The following CREB1 variants were observed in gnomAD, a reference collection of about 807,000 sequenced individuals.
The protein encoded by CREB1 is cyclic AMP-responsive element-binding protein 1.
CREB1 carries 2 observed loss-of-function variants against 42.0 expected under a neutral mutation model. That is an observed-to-expected ratio of 0.05 (90% CI 0.02 to 0.15). The LOEUF (loss-of-function observed/expected upper bound fraction) is 0.15. CREB1 is among the 10% of genes least tolerant of loss of function. The probability of loss-of-function intolerance (pLI) is 1.00; values close to 1 mark genes in which losing one functional copy is unlikely to be tolerated. For synonymous variants in CREB1, 123 were observed against 139.9 expected (o/e 0.88, Z 0.85); for missense variants, 199 against 388.9 (o/e 0.51, Z 4.11).
intron 3 of CREB1, chr2:207,561,230 C>A: frequency 7.5e-7 from 1 of 1,329,612 alleles, no homozygotes; most frequent in South Asian, 1.2e-5. Flanking sequence ...TTCTTTATGT[C>A]TTTGTCCTTT....
chr2:207,569,959 T>A (rs1283019202), intron 4 of CREB1, among the ~76,000 whole-genome samples: 1 of 150,904 alleles, frequency 6.6e-6, no homozygotes, highest in African/African-American at 2.4e-5. Context: ...GCAGAATTGC[T>A]TGAACCCGGG....
At chr2:207,538,750 T>C (rs2080976311) in intron 1 of CREB1, among the ~76,000 whole-genome samples, 1 of 152,226 alleles carries the variant, frequency 6.6e-6, no homozygotes, top group African/African-American at 2.4e-5. Flanking sequence ...GATGATAGAA[T>C]GTGTCTTTTC....
intron 7 of CREB1, among the ~76,000 whole-genome samples, chr2:207,583,205 G>T (rs1210230529): frequency 6.6e-6 from 1 of 152,012 alleles, no homozygotes; most frequent in Non-Finnish European, 1.5e-5. Context: ...TTATATAAGG[G>T]ACTTGAGCAT....
intron 7 of CREB1, among the ~76,000 whole-genome samples, 160 bp from the exon 8 acceptor site, chr2:207,596,754 G>A (rs895728272): frequency 6.6e-6 from 1 of 151,974 alleles, no homozygotes; most frequent in African/African-American, 2.4e-5. Flanking sequence ...TTAATATAAG[G>A]TAATTTCCAA....
chr2:207,593,623 G>A (rs2085506606), intron 7 of CREB1, among the ~76,000 whole-genome samples: 1 of 151,992 alleles, frequency 6.6e-6, no homozygotes, highest in Non-Finnish European at 1.5e-5. Flanking sequence ...ACTGCCATTT[G>A]GAGTTACCTA....
intron 3 of CREB1, among the ~76,000 whole-genome samples, chr2:207,565,224 C>T (rs2082097942): frequency 6.6e-6 from 1 of 152,008 alleles, no homozygotes; most frequent in Non-Finnish European, 1.5e-5. Flanking sequence ...TACCCAGAGT[C>T]CATAGTTTAC....
chr2:207,598,069 A>ATAT lies in CREB1; in HGVS notation c.*1012_*1014dup. On this transcript the variant is annotated 3_prime_UTR_variant, in exon 8 of 8. Coordinates refer to ENST00000353267, the MANE Select transcript of CREB1 (RefSeq NM_004379.5). ...TCAAGATGTCAAATAAAGCAAAGTGATATATATTTGTTTATGAAATGTTAC... is the reference window on the plus strand; with the variant it reads ...TCAAGATGTCAAATAAAGCAAAGTGATATTATATATTTGTTTATGAAATGTTAC... 1 of 181,136 alleles carries ATAT rather than the reference A, an allele frequency of 5.5e-6. No individual in the cohort carries two copies. The highest frequency in any genetic ancestry group is 1.2e-5 in the Non-Finnish European group (1 of 84,746). 11.2% of individuals were successfully genotyped at this position (181,136 alleles called of 1,614,324 possible).
At chr2:207,563,305 G>A (rs182070064) in intron 3 of CREB1, among the ~76,000 whole-genome samples, 66 of 152,264 alleles carry the variant, frequency 4.3e-4, no homozygotes, top group Non-Finnish European at 7.8e-4. Flanking sequence ...TCAAATCTAC[G>A]TATTTTAAAA....
chr2:207,532,611 T>C (rs1394243140), intron 1 of CREB1, among the ~76,000 whole-genome samples: 1 of 151,524 alleles, frequency 6.6e-6, no homozygotes, highest in African/African-American at 2.4e-5. Flanking sequence ...AGGTGGAGAT[T>C]GCAGTGAGCC....
intron 2 of CREB1, among the ~76,000 whole-genome samples, chr2:207,559,997 A>AT (rs2081891481): frequency 6.6e-6 from 1 of 152,158 alleles, no homozygotes; most frequent in Non-Finnish European, 1.5e-5. Context: ...ATAGTTTTTA[A>AT]TTTTTTGTCA....
In CREB1 at chr2:207,599,039, G is replaced by C. The variant is rs1010277209; in HGVS notation, c.*1981G>C. On this transcript the variant is annotated 3_prime_UTR_variant, in exon 8 of 8. Transcript: ENST00000353267. ...AAGATTTTAATTAACATTTGTAAAT[G>C]GTATATTTTCGTTTGTAACAAACCA... is the stretch of plus-strand genomic sequence containing the variant. 3 of 185,124 alleles carry C rather than the reference G, an allele frequency of 1.6e-5. No individual in the cohort carries two copies. The East Asian group carries it at 2.7e-4, about 17-fold the overall frequency. The allele number at this position is 185,124 out of a possible 1,614,324, so 11.5% of individuals were successfully genotyped here.
intron 7 of CREB1, among the ~76,000 whole-genome samples, chr2:207,591,332 TTTA>T (rs2084984456): frequency 6.6e-6 from 1 of 152,242 alleles, no homozygotes; most frequent in South Asian, 2.1e-4. Context: ...GATAGACCTC[TTTA>T]TTATTATATA....
intron 1 of CREB1, among the ~76,000 whole-genome samples, chr2:207,548,340 A>C (rs1041064412): frequency 6.6e-6 from 1 of 152,230 alleles, no homozygotes; most frequent in African/African-American, 2.4e-5. Flanking sequence ...ATGGCATTCA[A>C]ATACCCTGGT....
chr2:207,604,363 C>CGCT lies in CREB1; in HGVS notation c.*7307_*7309dup, dbSNP rs2087689341. On this transcript the variant is annotated 3_prime_UTR_variant, in exon 8 of 8. Coordinates refer to ENST00000353267, the MANE Select transcript of CREB1 (RefSeq NM_004379.5). ...TAACTTCTCCCCCAAATCTTCCTTC[C>CGCT]GCTGGTTTTTCCATCTCGTAAGTGG... Among the ~76,000 whole-genome samples the CGCT allele has an allele frequency of 6.6e-6, 1 of 152,196 alleles. No homozygotes were observed. The highest frequency in any genetic ancestry group is 1.5e-5 in the Non-Finnish European group (1 of 68,044).
rs2086309242 is a variant in CREB1 at position 207,597,116 on chromosome 2, T to C, written c.*58T>C. 4 of 1,496,504 alleles carry C rather than the reference T, an allele frequency of 2.7e-6. No homozygotes were observed. The highest frequency in any genetic ancestry group is 2.6e-5 in the Admixed American group (1 of 39,144). 92.7% of individuals were successfully genotyped at this position (1,496,504 alleles called of 1,614,324 possible). On this transcript the variant is annotated 3_prime_UTR_variant, in exon 8 of 8. Transcript: ENST00000353267. ...AAAATGGACTGGCTTGGCCACAACC[T>C]GAAAGACAAAATAAACATTTTATTT...
At chr2:207,532,781 G>A (rs889847758) in intron 1 of CREB1, among the ~76,000 whole-genome samples, 2 of 151,636 alleles carry the variant, frequency 1.3e-5, no homozygotes, top group African/African-American at 4.8e-5. Flanking sequence ...GACGGAGTTT[G>A]GCCCTTATTG....
intron 1 of CREB1, among the ~76,000 whole-genome samples, chr2:207,534,143 C>A (rs979719076): frequency 3.3e-5 from 5 of 152,238 alleles, no homozygotes; most frequent in African/African-American, 1.2e-4. Flanking sequence ...ACAACTACCT[C>A]AGAATTGTGG....
At chr2:207,581,917 A>T (rs1364284154) in intron 7 of CREB1, 1 of 702,884 alleles carries the variant, frequency 1.4e-6, no homozygotes, top group Admixed American at 2.0e-5. Context: ...CTTTTAGAAT[A>T]TCCCTCAGTT....
At chr2:207,532,301 GACACAGCAAGACTCCGTCTCA>G (rs2080671048) in intron 1 of CREB1, among the ~76,000 whole-genome samples, 1 of 149,570 alleles carries the variant, frequency 6.7e-6, no homozygotes, top group Non-Finnish European at 1.5e-5. Context: ...CAGCCTGGGC[GACACAGCAAGACTCCGTCTCA>G]AAGAAAAAAA....
Sources: gnomAD v4.1 joint callset for allele counts (sites outside exome capture counted in the v4.1 genomes callset) on GRCh38, gnomAD v4.1.1 for gene constraint, MANE v1.5 for transcripts, NCBI Gene and HGNC (gene_info 2026-07-23, HGNC 2026-07-21) for gene names.